Variants in MINK1 observed in about 807,000 individuals in gnomAD.
MINK1 encodes the protein misshapen-like kinase 1.
Under a neutral mutation model 178.4 loss-of-function variants are expected in MINK1, and 46 were observed. The ratio of observed to expected loss-of-function variants is 0.26; its 90% confidence interval spans 0.20 to 0.33. MINK1 has a LOEUF of 0.33. Among genes scored for constraint, MINK1 ranks in the 10% least tolerant of loss-of-function variants. The pLI is 1.00. For missense variants in MINK1, 1,366 were observed against 1,814.9 expected (o/e 0.75, Z 4.49); for synonymous variants, 797 against 709.7 (o/e 1.12, Z -1.96).
At chr17:4,892,363 C>A in intron 17 of MINK1, 39 bp from the exon 18 acceptor site, 1 of 1,464,426 alleles carries the variant, frequency 6.8e-7, no homozygotes, top group Non-Finnish European at 9.3e-7. Context: ...CTCAGCGCCC[C>A]CCCGCCGCCC....
At chr17:4,878,605 G>A (rs1426919611) in intron 2 of MINK1, among the ~76,000 whole-genome samples, 2 of 152,180 alleles carry the variant, frequency 1.3e-5, no homozygotes, top group African/African-American at 4.8e-5. Flanking sequence ...GGACATGGTG[G>A]GAACAGGCCA....
At chr17:4,838,744 A>T (rs943100882) in intron 1 of MINK1, among the ~76,000 whole-genome samples, 1 of 152,170 alleles carries the variant, frequency 6.6e-6, no homozygotes, top group Non-Finnish European at 1.5e-5. Context: ...CTGTCTCCAG[A>T]CAAAGTTGAA....
chr17:4,896,802 C>A lies in MINK1; in HGVS notation c.3904C>A (p.Arg1302=). The stretch of plus-strand genomic sequence containing the variant: ...TCAGAGGCTCAAGTTCCTGTGTGAG[C>A]GGAATGACAAGGTGGGAGGCTCCTT... ...RAQRLKFLCE[R]NDKVFFASVR... is the part of the protein sequence containing the mutation. Residue 1302 remains arginine (R), a synonymous_variant, in exon 31 of 32, where the codon CGG becomes AGG. Coordinates refer to ENST00000355280, the MANE Select transcript of MINK1 (RefSeq NM_153827.5). This position sits in a 1 kb window ranked among gnomAD's most constrained non-coding sequence, Gnocchi z 4.6. 1 of 1,565,986 alleles carries A rather than the reference C, an allele frequency of 6.4e-7. No individual in the cohort carries two copies. The highest frequency in any genetic ancestry group is 8.6e-7 in the Non-Finnish European group (1 of 1,156,404).
In MINK1 at chr17:4,894,346, A is replaced by G; in HGVS notation, c.2808+35A>G. ...CCGGAGGCAGGTCCGCCGGGAGAGA[A>G]GAGCCCTGGCGATGGGCAGGAGGTC... On this transcript the variant is annotated intron_variant, in intron 23 of 31. Coordinates refer to ENST00000355280, the MANE Select transcript of MINK1 (RefSeq NM_153827.5). This position sits in a 1 kb window ranked among gnomAD's most constrained non-coding sequence, Gnocchi z 4.1. 6.2e-7 allele frequency: 1 copy of G among 1,601,048 alleles called. No homozygotes were observed. The highest frequency in any genetic ancestry group is 8.5e-7 in the Non-Finnish European group (1 of 1,174,964).
At chr17:4,866,697 A>G (rs1471687033) in intron 1 of MINK1, among the ~76,000 whole-genome samples, 1 of 151,788 alleles carries the variant, frequency 6.6e-6, no homozygotes. Context: ...GCTTAAGCAC[A>G]GCAGCCTGAG....
chr17:4,894,093 C>T lies in MINK1; in HGVS notation c.2670C>T (p.Arg890=), dbSNP rs200768808. The T allele has an allele frequency of 2.2e-4, 353 of 1,594,494 alleles. No individual in the cohort carries two copies. The highest frequency in any genetic ancestry group is 1.6e-3 in the African/African-American group (118 of 74,402). The change falls in exon 22 of 32, where the codon CGC becomes CGT. Residue 890 remains arginine (R), a splice_region_variant and synonymous_variant. Transcript: ENST00000355280. This position sits in a 1 kb window ranked among gnomAD's most constrained non-coding sequence, Gnocchi z 4.1. ...PYGGGTMVVQ[R]TPEEERNLLH... ...GGGGCGGCACCATGGTGGTCCAGCG[C>T]GTGAGTGAGCCTCTGCTCCCTCCCC...
Position 4,895,984 on chromosome 17 carries a change from T to G in MINK1, c.3365-19T>G, listed in dbSNP as rs1461088956. The G allele has an allele frequency of 1.9e-6, 3 of 1,580,840 alleles. No individual in the cohort carries two copies. The highest frequency in any genetic ancestry group is 2.6e-6 in the Non-Finnish European group (3 of 1,163,596). On this transcript the variant is annotated intron_variant, in intron 27 of 31. Coordinates refer to ENST00000355280, the MANE Select transcript of MINK1 (RefSeq NM_153827.5). The surrounding 1 kb of genome is among the most constrained non-coding windows in gnomAD (Gnocchi z 4.3). The stretch of plus-strand genomic sequence containing the variant: ...GCAAGAAGGGAAGTCTCAGCATCCC[T>G]CTTCTCTCCCGCCCCCAGTGAAATA...
At position 4,887,245 on chromosome 17, in the gene MINK1, T is replaced by A; in HGVS notation, c.1019+66T>A. Reference sequence around the variant, plus strand: ...CTGAGTGGGGGGACTACAGTGGTGCTTGGCTTTGGGGACTCTCAGCCTGGG... The same window carrying A: ...CTGAGTGGGGGGACTACAGTGGTGCATGGCTTTGGGGACTCTCAGCCTGGG... On this transcript the variant is annotated intron_variant, in intron 11 of 31. Transcript: ENST00000355280. This position sits in a 1 kb window ranked among gnomAD's most constrained non-coding sequence, Gnocchi z 7.6. The A allele has an allele frequency of 6.7e-7, 1 of 1,496,040 alleles. No homozygotes were observed. Among genetic ancestry groups the A allele is most frequent in the Non-Finnish European group, 9.1e-7 (1 of 1,097,264 alleles). The allele number at this position is 1,496,040 out of a possible 1,614,324, so 92.7% of individuals were successfully genotyped here. A position where few individuals can be genotyped will look rare whatever the true frequency, so the allele number is the denominator to read the frequency against.
In MINK1 at chr17:4,892,603, C is replaced by T. The variant is rs1397450279; in HGVS notation, c.2199-53C>T. On this transcript the variant is annotated intron_variant, in intron 18 of 31. Coordinates refer to ENST00000355280, the MANE Select transcript of MINK1 (RefSeq NM_153827.5). The stretch of plus-strand genomic sequence containing the variant: ...CTCCCTCTGCAGTGCAGCTCAGCAC[C>T]CCAGAGAAGGGAGCACCGTGCCTCC... 8 of 1,548,632 alleles carry T rather than the reference C, an allele frequency of 5.2e-6. No individual in the cohort carries two copies. In the East Asian group the frequency reaches 1.6e-4, roughly 31 times the overall value.
At chr17:4,857,508 C>T (rs1346879349) in intron 1 of MINK1, 1 of 141,456 alleles carries the variant, frequency 7.1e-6, no homozygotes, top group Admixed American at 7.9e-5. Context: ...ACTCTGTAGC[C>T]CAAGCTGGAA....
chr17:4,892,697 C>G lies in MINK1; in HGVS notation c.2240C>G (p.Ser747Trp). 1.2e-6 allele frequency: 2 copies of G among 1,611,826 alleles called. No homozygotes were observed. Among genetic ancestry groups the G allele is most frequent in the Non-Finnish European group, 8.5e-7 (1 of 1,179,356 alleles). ...AGGAGCGACCCTGGCTGGGAACGCT[C>G]GGACAGCGTCCTTCCAGCCTCTCAC... ...LRRSDPGWER[S>W]DSVLPASHGH... The change falls in exon 19 of 32, where the codon TCG (serine) becomes TGG (tryptophan). Residue 747 changes from serine to tryptophan, a missense_variant. Physicochemically the swap from Ser to Trp is radical, Grantham distance 177. Around this residue, in one of 14 missense-constraint regions of MINK1, gnomAD observed 709 missense variants for 692.3 expected, o/e 1.02. Coordinates refer to ENST00000355280, the MANE Select transcript of MINK1 (RefSeq NM_153827.5).
At chr17:4,851,373 G>A (rs953082832) in intron 1 of MINK1, among the ~76,000 whole-genome samples, 5 of 152,138 alleles carry the variant, frequency 3.3e-5, no homozygotes, top group African/African-American at 9.7e-5. Context: ...CTGATTCTTA[G>A]TGCAGTAAAC....
Position 4,893,899 on chromosome 17 carries a change from A to G in MINK1, c.2565-89A>G. ...CAGGTTGTGTTTTGAATAGAGACAA[A>G]AGCCTGGGCTCTGGCTGCCATCTGC... On this transcript the variant is annotated intron_variant, in intron 21 of 31. Transcript: ENST00000355280. 5 of 1,134,274 alleles carry G rather than the reference A, an allele frequency of 4.4e-6. 1 individual carries two copies. In the South Asian group the frequency reaches 6.5e-5, roughly 15 times the overall value. 70.3% of individuals were successfully genotyped at this position (1,134,274 alleles called of 1,614,324 possible).
chr17:4,894,847 C>G lies in MINK1; in HGVS notation c.2917+214C>G. On this transcript the variant is annotated intron_variant, in intron 24 of 31. Transcript: ENST00000355280. The surrounding 1 kb of genome is among the most constrained non-coding windows in gnomAD (Gnocchi z 4.1). ...GAAATGCTCAGAGTTGCCAGGGGACCTGGGCAAAGACTCAAAGCTAACAAG... is the reference window on the plus strand; with the variant it reads ...GAAATGCTCAGAGTTGCCAGGGGACGTGGGCAAAGACTCAAAGCTAACAAG... 9 of 647,324 alleles carry G rather than the reference C, an allele frequency of 1.4e-5. 1 individual carries two copies. The South Asian group carries it at 1.6e-4, about 11-fold the overall frequency. The allele number at this position is 647,324 out of a possible 1,614,324, so 40.1% of individuals were successfully genotyped here.
At chr17:4,875,372 G>C (rs1178907416) in intron 1 of MINK1, among the ~76,000 whole-genome samples, 1 of 152,180 alleles carries the variant, frequency 6.6e-6, no homozygotes, top group Non-Finnish European at 1.5e-5. Context: ...TGTGTTGGGA[G>C]GCTGAGGTGG....
chr17:4,856,527 G>A (rs1021635160), intron 1 of MINK1, among the ~76,000 whole-genome samples: 2 of 152,074 alleles, frequency 1.3e-5, no homozygotes, highest in East Asian at 3.9e-4. Flanking sequence ...GGAGAGGGTG[G>A]TTCCATCCAA....
At position 4,833,651 on chromosome 17, in the gene MINK1, C is replaced by T. The variant is rs999827367; in HGVS notation, c.57+11C>T. The T allele has an allele frequency of 4.4e-5, 66 of 1,489,292 alleles. No individual in the cohort carries two copies. The highest frequency in any genetic ancestry group is 5.6e-5 in the Non-Finnish European group (63 of 1,125,714). The allele number at this position is 1,489,292 out of a possible 1,614,324, so 92.3% of individuals were successfully genotyped here. A position where few individuals can be genotyped will look rare whatever the true frequency, so the allele number is the denominator to read the frequency against. On this transcript the variant is annotated intron_variant, in intron 1 of 31. Transcript: ENST00000355280. This position sits in a 1 kb window ranked among gnomAD's most constrained non-coding sequence, Gnocchi z 4.8. Reference sequence around the variant, plus strand: ...CTGTCCGCCCTGCGGGTGAGCGCGCCGTCCCCCAGCCTCGCCCTGGTTCCT... The same window carrying T: ...CTGTCCGCCCTGCGGGTGAGCGCGCTGTCCCCCAGCCTCGCCCTGGTTCCT...
In MINK1 at chr17:4,896,529, C is replaced by A; in HGVS notation, c.3716C>A (p.Thr1239Lys). The change falls in exon 30 of 32, where the codon ACG (threonine) becomes AAG (lysine). Residue 1239 changes from threonine to lysine, a missense_variant. Physicochemically the swap from Thr to Lys is moderately conservative, Grantham distance 78. Coordinates refer to ENST00000355280, the MANE Select transcript of MINK1 (RefSeq NM_153827.5). The surrounding 1 kb of genome is among the most constrained non-coding windows in gnomAD (Gnocchi z 4.6). ...CYEDEGVYVN[T>K]YGRIIKDVVL... ...GAGGACGAGGGTGTCTACGTCAACA[C>A]GTACGGGCGCATCATTAAGGATGTG... is the stretch of plus-strand genomic sequence containing the variant. 1 of 1,613,968 alleles carries A rather than the reference C, an allele frequency of 6.2e-7. No homozygotes were observed.
In MINK1 at chr17:4,893,240, TCCTAACCTCTC is replaced by T. The variant is rs1160826103; in HGVS notation, c.2400+174_2401-183del. On this transcript the variant is annotated intron_variant, in intron 20 of 31. Coordinates refer to ENST00000355280, the MANE Select transcript of MINK1 (RefSeq NM_153827.5). The stretch of plus-strand genomic sequence containing the variant: ...TTCCTAACCTCTCTCCTAACCTCTC[TCCTAACCTCTC>T]TTCTGGCTCTTTCTTCCCCTGCGGC... The T allele has an allele frequency of 6.8e-6, 11 of 1,612,240 alleles. No individual in the cohort carries two copies. In the African/African-American group the frequency reaches 1.1e-4, roughly 16 times the overall value.
Sources: allele counts gnomAD v4.1 joint callset (sites outside exome capture counted in the v4.1 genomes callset), GRCh38; gene constraint gnomAD v4.1.1; regional missense constraint gnomAD v4.1.1; non-coding constraint Gnocchi (gnomAD v3.1); transcripts MANE v1.5; gene names NCBI Gene and HGNC (gene_info 2026-07-23, HGNC 2026-07-21).